GRIA4: variants seen among roughly 807,000 people sequenced by gnomAD.
The protein encoded by GRIA4 is glutamate receptor 4.
GRIA4 carries 34 observed loss-of-function variants against 104.0 expected under a neutral mutation model. The observed-to-expected ratio is 0.33, with a 90% confidence interval of 0.25 to 0.44. GRIA4 has a LOEUF of 0.44. Among genes scored for constraint, GRIA4 ranks in the 20% least tolerant of loss-of-function variants. The pLI is 1.00. For missense variants in GRIA4, 750 were observed against 1,096.5 expected (o/e 0.68, Z 4.46); for synonymous variants, 386 against 381.9 (o/e 1.01, Z -0.13).
At chr11:105,872,215 T>C (rs538689085) in intron 5 of GRIA4, among the ~76,000 whole-genome samples, 1 of 152,196 alleles carries the variant, frequency 6.6e-6, no homozygotes, top group South Asian at 2.1e-4. Flanking sequence ...AGCCACTTCT[T>C]TATAATTTAT....
At chr11:105,839,785 A>T (rs949238422) in intron 4 of GRIA4, among the ~76,000 whole-genome samples, 2 of 152,112 alleles carry the variant, frequency 1.3e-5, no homozygotes, top group Admixed American at 1.3e-4. Context: ...AGTGGCTGAT[A>T]CTTAATTCTT....
At chr11:105,856,220 T>C (rs1261223361) in intron 4 of GRIA4, among the ~76,000 whole-genome samples, 1 of 152,142 alleles carries the variant, frequency 6.6e-6, no homozygotes, top group East Asian at 1.9e-4. Flanking sequence ...TTTTCCACAC[T>C]TCAGCTGTAA....
At chr11:105,683,971 T>G (rs527629868) in intron 3 of GRIA4, among the ~76,000 whole-genome samples, 1 of 151,818 alleles carries the variant, frequency 6.6e-6, no homozygotes, top group Admixed American at 6.6e-5. Context: ...ACCTCCTGGG[T>G]TCAAGAGATT....
chr11:105,942,484 C>T (rs1948206500), intron 14 of GRIA4, among the ~76,000 whole-genome samples: 1 of 151,944 alleles, frequency 6.6e-6, no homozygotes, highest in Non-Finnish European at 1.5e-5. Flanking sequence ...ATATATTTTT[C>T]ACATGGTATG....
chr11:105,928,406 T>C (rs1225496841), intron 13 of GRIA4, among the ~76,000 whole-genome samples: 1 of 152,014 alleles, frequency 6.6e-6, no homozygotes, highest in Non-Finnish European at 1.5e-5. Flanking sequence ...CAATAGTCTA[T>C]GGATAAACTT....
intron 4 of GRIA4, among the ~76,000 whole-genome samples, chr11:105,841,176 C>G (rs1408728711): frequency 1.5e-4 from 23 of 151,558 alleles, no homozygotes. Context: ...CTGAAAAAGT[C>G]ACATAAGTCA....
At chr11:105,744,705 C>A (rs1939537030) in intron 3 of GRIA4, among the ~76,000 whole-genome samples, 1 of 152,158 alleles carries the variant, frequency 6.6e-6, no homozygotes, top group Admixed American at 6.5e-5. Context: ...GTTACCTTAG[C>A]TCAGAAAATG....
chr11:105,686,210 C>T (rs1952877459), intron 3 of GRIA4, among the ~76,000 whole-genome samples: 1 of 152,122 alleles, frequency 6.6e-6, no homozygotes, highest in African/African-American at 2.4e-5. Context: ...GTTTTCCAGT[C>T]CTTGTCTCCC....
At chr11:105,933,253 A>T (rs1043504884) in intron 13 of GRIA4, among the ~76,000 whole-genome samples, 16 of 150,970 alleles carry the variant, frequency 1.1e-4, no homozygotes, top group East Asian at 5.8e-4. Context: ...AAAAAACTCT[A>T]AAAAAAAATA....
intron 4 of GRIA4, among the ~76,000 whole-genome samples, chr11:105,773,240 A>G (rs1941294976): frequency 6.6e-6 from 1 of 152,088 alleles, no homozygotes; most frequent in South Asian, 2.1e-4. Flanking sequence ...TTTGTCCTTA[A>G]GAGGGAGAAA....
chr11:105,974,681 G>C, intron 16 of GRIA4: 1 of 945,232 alleles, frequency 1.1e-6, no homozygotes, highest in Non-Finnish European at 1.5e-6. Flanking sequence ...GAAAACTTCA[G>C]TGCAAATTGG....
At chr11:105,774,005 CAA>C (rs1941341431) in intron 4 of GRIA4, among the ~76,000 whole-genome samples, 1 of 150,952 alleles carries the variant, frequency 6.6e-6, no homozygotes, top group African/African-American at 2.4e-5. Context: ...AATTATGCTA[CAA>C]AGAGAATAAA....
chr11:105,932,006 C>A (rs1182038145), intron 13 of GRIA4, among the ~76,000 whole-genome samples: 1 of 150,866 alleles, frequency 6.6e-6, no homozygotes, highest in African/African-American at 2.4e-5. Context: ...CTACTCAGCA[C>A]TGAGCCTCAC....
chr11:105,926,716 T>A, intron 12 of GRIA4, 25 bp from the exon 13 acceptor site: 1 of 1,442,618 alleles, frequency 6.9e-7, no homozygotes, highest in Non-Finnish European at 9.8e-7. Flanking sequence ...GAAAGGAAAA[T>A]GTGCATTATT....
chr11:105,887,612 C>T (rs761318832), intron 6 of GRIA4, 40 bp downstream of exon 6: 2 of 863,654 alleles, frequency 2.3e-6, no homozygotes, highest in South Asian at 1.4e-5. Flanking sequence ...AAGAATTGCT[C>T]AAGCACACAA....
At chr11:105,877,824 G>C (rs1591385046) in intron 5 of GRIA4, among the ~76,000 whole-genome samples, 1 of 151,950 alleles carries the variant, frequency 6.6e-6, no homozygotes, top group Non-Finnish European at 1.5e-5. Context: ...TTTTTTCAAG[G>C]TTCTTAGCTT....
chr11:105,674,803 T>G (rs1005741138), intron 3 of GRIA4, among the ~76,000 whole-genome samples: 3 of 151,892 alleles, frequency 2.0e-5, no homozygotes, highest in Non-Finnish European at 2.9e-5. Context: ...TCTCTGATAA[T>G]ATAAAACAAA....
chr11:105,694,849 C>T (rs1953213263), intron 3 of GRIA4, among the ~76,000 whole-genome samples: 1 of 152,132 alleles, frequency 6.6e-6, no homozygotes. Context: ...AGCCACATTT[C>T]AAGTGGCTGC....
intron 5 of GRIA4, among the ~76,000 whole-genome samples, chr11:105,878,938 A>G (rs966508887): frequency 5.9e-5 from 9 of 152,294 alleles, no homozygotes; most frequent in African/African-American, 2.2e-4. Flanking sequence ...CCACTGGGGT[A>G]TGAAAAAAAC....
Sources: gnomAD v4.1 joint callset for allele counts (sites outside exome capture counted in the v4.1 genomes callset) on GRCh38, gnomAD v4.1.1 for gene constraint, MANE v1.5 for transcripts, NCBI Gene and HGNC (gene_info 2026-07-23, HGNC 2026-07-21) for gene names.